UBR3: variants seen among roughly 807,000 people sequenced by gnomAD.
The protein encoded by UBR3 is E3 ubiquitin-protein ligase UBR3.
A neutral mutation model predicts 243.2 loss-of-function variants in UBR3; 85 were observed. The observed-to-expected ratio is 0.35, with a 90% CI of 0.29 to 0.42. UBR3 has a LOEUF of 0.42. UBR3 is among the 10% of genes least tolerant of loss of function. The pLI is 1.00. For synonymous variants in UBR3, 748 were observed against 799.8 expected, an observed-to-expected ratio of 0.94 and a Z score of 1.09; for missense variants, 1,686 against 2,300.8, an observed-to-expected ratio of 0.73 and a Z score of 5.47.
chr2:169,856,882 G>A (rs2082892192), intron 1 of UBR3, among the ~76,000 whole-genome samples: 1 of 152,000 alleles, frequency 6.6e-6, no homozygotes, highest in African/African-American at 2.4e-5. Flanking sequence ...TACCTGGCTA[G>A]CATAGTATGT....
chr2:170,021,195 TCTC>T (rs1376860681), intron 30 of UBR3, among the ~76,000 whole-genome samples: 1 of 152,170 alleles, frequency 6.6e-6, no homozygotes, highest in East Asian at 1.9e-4. Flanking sequence ...CATTAATATT[TCTC>T]CTATTTCAAC....
intron 32 of UBR3, among the ~76,000 whole-genome samples, chr2:170,052,516 C>G (rs906803177): frequency 4.6e-5 from 7 of 152,112 alleles, no homozygotes; most frequent in African/African-American, 1.7e-4. Context: ...GTTATTTAGC[C>G]TTAAAAAAGA....
intron 1 of UBR3, among the ~76,000 whole-genome samples, chr2:169,850,283 A>G (rs182157724): frequency 5.3e-4 from 79 of 148,860 alleles, no homozygotes; most frequent in African/African-American, 1.4e-3. Flanking sequence ...GGCTCAAGCA[A>G]TCCTCCCACT....
At position 169,827,477 on chromosome 2, in the gene UBR3, C is replaced by T. The variant is rs2081775032; in HGVS notation, c.-31C>T. 11 of 1,223,210 alleles carry T rather than the reference C, an allele frequency of 9.0e-6. No individual in the cohort carries two copies. The highest frequency in any genetic ancestry group is 3.2e-5 in the East Asian group (1 of 31,026). The allele number at this position is 1,223,210 out of a possible 1,614,324, so 75.8% of individuals were successfully genotyped here. Reference sequence around the variant, plus strand: ...TCACTCTCCCTGGAGGAGCCGCTGGCCCTGGACTCTCCAAATTCTGAGCTC... The same window carrying T: ...TCACTCTCCCTGGAGGAGCCGCTGGTCCTGGACTCTCCAAATTCTGAGCTC... On this transcript the variant is annotated 5_prime_UTR_variant, in exon 1 of 39. Transcript: ENST00000272793.
intron 19 of UBR3, among the ~76,000 whole-genome samples, chr2:169,940,265 G>T (rs1054217170): frequency 1.3e-5 from 2 of 151,992 alleles, no homozygotes; most frequent in East Asian, 3.9e-4. Context: ...GGATTTTAAG[G>T]CTATGTATTT....
intron 10 of UBR3, among the ~76,000 whole-genome samples, chr2:169,911,221 AT>A (rs983252787): frequency 6.6e-6 from 1 of 152,142 alleles, no homozygotes; most frequent in African/African-American, 2.4e-5. Flanking sequence ...TGTTTCTAGA[AT>A]TTTACTGATA....
chr2:170,007,145 C>T lies in UBR3; in HGVS notation c.4185C>T (p.Leu1395=), dbSNP rs774584714. The T allele has an allele frequency of 8.2e-5, 132 of 1,612,326 alleles. No homozygotes were observed. Among genetic ancestry groups the T allele is most frequent in the Middle Eastern group, 1.6e-4 (1 of 6,084 alleles). Residue 1395 remains leucine (L), a synonymous_variant, in exon 28 of 39, where the codon CTC becomes CTT. Transcript: ENST00000272793. ...CTAGCAACAAAAGCATACAAGATCT[C>T]ATAAAGGAAGTGGAGGAGCTGCAGG... ...QRPSNKSIQD[L]IKEVEELQGR... is the part of the protein sequence containing the mutation.
At chr2:169,849,212 G>A (rs547307053) in intron 1 of UBR3, among the ~76,000 whole-genome samples, 146 of 152,346 alleles carry the variant, frequency 9.6e-4, no homozygotes, top group Non-Finnish European at 1.6e-3. Flanking sequence ...ATGAGGCCCA[G>A]TCAAGAGGGC....
chr2:169,875,047 A>T (rs2083557446), intron 2 of UBR3, among the ~76,000 whole-genome samples: 1 of 151,470 alleles, frequency 6.6e-6, no homozygotes, highest in Non-Finnish European at 1.5e-5. Flanking sequence ...AGTTTTTAAT[A>T]CAATTATTCA....
intron 32 of UBR3, among the ~76,000 whole-genome samples, chr2:170,050,240 G>A (rs1017341074): frequency 1.3e-5 from 2 of 152,142 alleles, no homozygotes; most frequent in Admixed American, 1.3e-4. Context: ...GATTTTTCTT[G>A]TAGACTAGAC....
In UBR3 at chr2:170,083,779, T is replaced by G. The variant is rs1574495929; in HGVS notation, c.*1936T>G. ...TTGATAGTGTTTATTTTGATATTGG[T>G]GAATTAGTCACCAGTAAATTTTAAA... On this transcript the variant is annotated 3_prime_UTR_variant, in exon 39 of 39. Transcript: ENST00000272793. 3 of 152,596 alleles carry G rather than the reference T, an allele frequency of 2.0e-5. No homozygotes were observed. The highest frequency in any genetic ancestry group is 7.2e-5 in the African/African-American group (3 of 41,446). 9.5% of individuals were successfully genotyped at this position (152,596 alleles called of 1,614,324 possible).
At chr2:170,007,472 A>G (rs1315289109) in intron 28 of UBR3, among the ~76,000 whole-genome samples, 2 of 152,140 alleles carry the variant, frequency 1.3e-5, no homozygotes, top group African/African-American at 2.4e-5. Flanking sequence ...AAGATGTTCA[A>G]ATAGGCCAGG....
chr2:169,993,124 C>T (rs2089345042), intron 25 of UBR3, among the ~76,000 whole-genome samples: 1 of 152,154 alleles, frequency 6.6e-6, no homozygotes, highest in African/African-American at 2.4e-5. Context: ...ACATTAGTAA[C>T]ATCAAATACT....
chr2:169,829,422 G>GTT (rs35860819), intron 1 of UBR3, among the ~76,000 whole-genome samples: 2,931 of 133,702 alleles, frequency 0.022, 112 homozygotes, highest in African/African-American at 0.068. Flanking sequence ...TAACATTTGA[G>GTT]TTTTTTTTTT....
intron 24 of UBR3, among the ~76,000 whole-genome samples, chr2:169,985,616 T>C (rs2088966566): frequency 6.6e-6 from 1 of 152,216 alleles, no homozygotes; most frequent in African/African-American, 2.4e-5. Flanking sequence ...TTCCTAGACA[T>C]TGTGATTTTT....
At chr2:169,877,150 T>A (rs1187229712) in intron 3 of UBR3, among the ~76,000 whole-genome samples, 2 of 152,236 alleles carry the variant, frequency 1.3e-5, no homozygotes, top group South Asian at 4.1e-4. Context: ...TACATAATTA[T>A]TATCTACCAT....
chr2:170,073,274 C>A, intron 35 of UBR3, 154 bp from the exon 36 acceptor site: 1 of 741,904 alleles, frequency 1.3e-6, no homozygotes, highest in Non-Finnish European at 2.2e-6. Flanking sequence ...ACCTTTTTCT[C>A]TCTTGTTTCT....
chr2:169,870,005 T>C (rs1302998901), intron 1 of UBR3, among the ~76,000 whole-genome samples: 1 of 152,136 alleles, frequency 6.6e-6, no homozygotes, highest in Non-Finnish European at 1.5e-5. Flanking sequence ...TTTTTTCTTT[T>C]GTGGCTTTTG....
chr2:169,844,011 T>TTC (rs1177598804), intron 1 of UBR3, among the ~76,000 whole-genome samples: 1 of 150,182 alleles, frequency 6.7e-6, no homozygotes, highest in Non-Finnish European at 1.5e-5. Flanking sequence ...TCTTTACTTT[T>TTC]TTTTTTTTTT....
Sources: gnomAD v4.1 joint callset for allele counts (sites outside exome capture counted in the v4.1 genomes callset) on GRCh38, gnomAD v4.1.1 for gene constraint, MANE v1.5 for transcripts, NCBI Gene and HGNC (gene_info 2026-07-23, HGNC 2026-07-21) for gene names.